Variants in ADGRG5 observed in about 807,000 individuals in gnomAD.
ADGRG5 encodes adhesion G protein-coupled receptor G5, also known as G protein-coupled receptor 114.
A neutral mutation model predicts 53.2 loss-of-function variants in ADGRG5; 37 were observed. The ratio of observed to expected loss-of-function variants is 0.70; its 90% confidence interval spans 0.53 to 0.91. ADGRG5 has a LOEUF of 0.91. Among genes scored for constraint, ADGRG5 ranks in the 40% least tolerant of loss-of-function variants. The pLI is 0.00. For missense variants in ADGRG5, 614 were observed against 675.8 expected, an observed-to-expected ratio of 0.91 and a Z score of 1.01; for synonymous variants, 277 against 290.4, an observed-to-expected ratio of 0.95 and a Z score of 0.47.
At position 57,567,550 on chromosome 16, in the gene ADGRG5, C is replaced by A; in HGVS notation, c.780C>A (p.Ile260=). ...CCCTCGTGGGCTGCAGCATCTCCAT[C>A]GTGGCCTCGCTGATCACAGTCCTGC... ...YISLVGCSIS[I]VASLITVLLH... Residue 260 remains isoleucine (I), a synonymous_variant, in exon 8 of 12, where the codon ATC becomes ATA. Coordinates refer to ENST00000349457, the MANE Select transcript of ADGRG5 (RefSeq NM_001304376.3). 6.2e-7 allele frequency: 1 copy of A among 1,611,860 alleles called. No homozygotes were observed. Among genetic ancestry groups the A allele is most frequent in the South Asian group, 1.1e-5 (1 of 91,084 alleles).
At chr16:57,533,779 C>T in the ADGRG5 span, among the ~76,000 whole-genome samples, 1 of 152,182 alleles carries the variant, frequency 6.6e-6, no homozygotes, top group African/African-American at 2.4e-5. Context: ...CCTGGTAACG[C>T]ACACACTCAC....
At chr16:57,549,368 T>C (rs2032695320) in intron 1 of ADGRG5, among the ~76,000 whole-genome samples, 1 of 152,236 alleles carries the variant, frequency 6.6e-6, no homozygotes, top group South Asian at 2.1e-4. Flanking sequence ...TGAGAACTCA[T>C]GTTCTTAACT....
rs139513801 is a variant in ADGRG5, at chr16:57,553,104, C to T, written c.-38-8952C>T. Reference sequence around the variant, plus strand: ...AAAGATCTCTGTTCACAGATCACCACAGCAGGTATAATAATAATGAAAAAG... The same window carrying T: ...AAAGATCTCTGTTCACAGATCACCATAGCAGGTATAATAATAATGAAAAAG... On this transcript the variant is annotated intron_variant, in intron 1 of 11. Coordinates refer to ENST00000349457, the MANE Select transcript of ADGRG5 (RefSeq NM_001304376.3). Among the ~76,000 whole-genome samples the T allele has an allele frequency of 3.3e-3, 498 of 152,268 alleles. 1 individual carries two copies. Among genetic ancestry groups the T allele is most frequent in the African/African-American group, 0.012 (479 of 41,544 alleles).
At chr16:57,538,137 A>T (rs2032433946), upstream of ADGRG5, among the ~76,000 whole-genome samples, 1 of 152,158 alleles carries the variant, frequency 6.6e-6, no homozygotes, top group South Asian at 2.1e-4. Flanking sequence ...AAGAAGCAGT[A>T]AATATTGTCC....
At chr16:57,535,729 A>G in the ADGRG5 span, among the ~76,000 whole-genome samples, 1 of 148,720 alleles carries the variant, frequency 6.7e-6, no homozygotes, top group Non-Finnish European at 1.5e-5. Flanking sequence ...ATGCTGTGTG[A>G]TATCTGCAAG....
chr16:57,554,707 T>C (rs2146774997), intron 1 of ADGRG5, among the ~76,000 whole-genome samples: 1 of 152,300 alleles, frequency 6.6e-6, no homozygotes, highest in African/African-American at 2.4e-5. Context: ...TTCCTTCTGC[T>C]TATTTTATGC....
rs577010632 is a variant in ADGRG5, at chr16:57,550,270, G to A, written c.-39+7569G>A. On this transcript the variant is annotated intron_variant, in intron 1 of 11. Transcript: ENST00000349457. ...TGGGATTACAGGCATGAGCCACCGC[G>A]CCCGGCCCATCTATATACATCTTCA... Among the ~76,000 whole-genome samples, 216 of 152,242 alleles carry A rather than the reference G, an allele frequency of 1.4e-3. 1 individual carries two copies. Among genetic ancestry groups the A allele is most frequent in the African/African-American group, 5.1e-3 (212 of 41,530 alleles).
chr16:57,562,246 G>T, intron 2 of ADGRG5, 89 bp downstream of exon 2: 1 of 1,461,292 alleles, frequency 6.8e-7, no homozygotes, highest in South Asian at 1.2e-5. Flanking sequence ...ATGGGAGATT[G>T]AAAAGGGCCA....
At chr16:57,572,063 C>G (rs2033377139) in intron 10 of ADGRG5, among the ~76,000 whole-genome samples, 1 of 151,986 alleles carries the variant, frequency 6.6e-6, no homozygotes, top group African/African-American at 2.4e-5. Context: ...CTGGGTCTTC[C>G]TCACTCTGCC....
chr16:57,543,909 C>A (rs576874742), intron 1 of ADGRG5, among the ~76,000 whole-genome samples: 1 of 152,270 alleles, frequency 6.6e-6, no homozygotes, highest in South Asian at 2.1e-4. Flanking sequence ...AAATAGATTT[C>A]CTTGGCCTCA....
intron 5 of ADGRG5, 109 bp downstream of exon 5, chr16:57,564,088 C>T: frequency 2.5e-6 from 3 of 1,217,540 alleles, no homozygotes; most frequent in East Asian, 4.7e-5. Flanking sequence ...TGAGTGAGAC[C>T]AACCAGCCAT....
chr16:57,546,152 C>G, intron 1 of ADGRG5, among the ~76,000 whole-genome samples: 1 of 151,930 alleles, frequency 6.6e-6, no homozygotes, highest in Admixed American at 6.6e-5. Context: ...GATACAGGGT[C>G]TCATTCTGTC....
chr16:57,570,606 A>T (rs2146831247), intron 10 of ADGRG5, 71 bp downstream of exon 10: 1 of 1,109,856 alleles, frequency 9.0e-7, no homozygotes, highest in Non-Finnish European at 1.4e-6. Flanking sequence ...GGGGCTCCAA[A>T]TGGAATATCC....
intron 1 of ADGRG5, among the ~76,000 whole-genome samples, chr16:57,550,416 T>G (rs1355856083): frequency 2.6e-5 from 4 of 152,226 alleles, no homozygotes; most frequent in Non-Finnish European, 5.9e-5. Flanking sequence ...AGATATGTGT[T>G]TGTAAATATT....
intron 1 of ADGRG5, among the ~76,000 whole-genome samples, chr16:57,547,454 TG>T (rs2032646160): frequency 6.6e-6 from 1 of 152,230 alleles, no homozygotes; most frequent in Non-Finnish European, 1.5e-5. Context: ...TTTTTGGTTT[TG>T]TTTTTTTTGA....
upstream of ADGRG5, among the ~76,000 whole-genome samples, chr16:57,539,504 G>A (rs992290547): frequency 3.4e-5 from 5 of 148,402 alleles, no homozygotes; most frequent in Non-Finnish European, 7.4e-5. Context: ...CCAGGCTGGA[G>A]TGCAATGGTT....
At chr16:57,539,827 T>C (rs1414430449), upstream of ADGRG5, among the ~76,000 whole-genome samples, 1 of 152,078 alleles carries the variant, frequency 6.6e-6, no homozygotes, top group Non-Finnish European at 1.5e-5. Flanking sequence ...CGTGTATATA[T>C]ATATATATCT....
intron 10 of ADGRG5, among the ~76,000 whole-genome samples, chr16:57,572,443 A>G (rs2146838278): frequency 1.3e-5 from 2 of 152,236 alleles, no homozygotes; most frequent in Middle Eastern, 3.4e-3. Context: ...ACTGCACTCC[A>G]GCCTGGGCGA....
chr16:57,534,795 C>G, the ADGRG5 span, among the ~76,000 whole-genome samples: 1 of 152,184 alleles, frequency 6.6e-6, no homozygotes, highest in East Asian at 1.9e-4. Context: ...GGTATCTGAG[C>G]CTGTCTGGCC....
Sources: gnomAD v4.1 joint callset for allele counts (sites outside exome capture counted in the v4.1 genomes callset) on GRCh38, gnomAD v4.1.1 for gene constraint, MANE v1.5 for transcripts, NCBI Gene and HGNC (gene_info 2026-07-23, HGNC 2026-07-21) for gene names.